NEK10: variants seen among roughly 807,000 people sequenced by gnomAD.
NEK10 encodes the protein serine/threonine-protein kinase Nek10.
In NEK10, 122 loss-of-function variants were observed where a neutral mutation model predicts 159.8. The ratio of observed to expected loss-of-function variants is 0.76; its 90% confidence interval spans 0.66 to 0.89. The LOEUF is 0.89. NEK10 is among the 40% of genes least tolerant of loss of function. The pLI is 0.00. For synonymous variants in NEK10, 466 were observed against 457.1 expected (o/e 1.02, Z -0.25); for missense variants, 1,342 against 1,323.1 (o/e 1.01, Z -0.22).
At chr3:27,258,142 G>A (rs1323724297) in intron 22 of NEK10, among the ~76,000 whole-genome samples, 3 of 151,880 alleles carry the variant, frequency 2.0e-5, no homozygotes, top group Non-Finnish European at 4.4e-5. Flanking sequence ...ATAATATACT[G>A]CTGATATATA....
chr3:27,333,475 G>A (rs2046571984), intron 5 of NEK10, among the ~76,000 whole-genome samples: 1 of 151,816 alleles, frequency 6.6e-6, no homozygotes, highest in Non-Finnish European at 1.5e-5. Context: ...AAACCCAGGA[G>A]GCAGAAGTCG....
At chr3:27,240,809 G>T (rs556269756) in intron 23 of NEK10, among the ~76,000 whole-genome samples, 3 of 151,978 alleles carry the variant, frequency 2.0e-5, no homozygotes, top group African/African-American at 4.8e-5. Context: ...GCACCACCAC[G>T]CCTGGCTAAT....
rs1468729406 is a variant in NEK10, at chr3:27,369,277, G to A, written c.-90C>T. On this transcript the variant is annotated 5_prime_UTR_variant, in exon 1 of 36. Transcript: ENST00000691995. The surrounding 1 kb of genome is among the most constrained non-coding windows in gnomAD (Gnocchi z 4.2). ...GGCCAATCTCCTTATCATTGTCCCT[G>A]CTGCTGTCACCTGCTGCTGCAGACC... The A allele has an allele frequency of 6.6e-6, 1 of 152,596 alleles. No individual in the cohort carries two copies. The highest frequency in any genetic ancestry group is 1.5e-5 in the Non-Finnish European group (1 of 68,442). 9.5% of individuals were successfully genotyped at this position (152,596 alleles called of 1,614,324 possible).
At chr3:27,156,915 T>C (rs1273192712) in intron 30 of NEK10, among the ~76,000 whole-genome samples, 1 of 108,960 alleles carries the variant, frequency 9.2e-6, no homozygotes, top group South Asian at 3.1e-4. Context: ...AATCAAGGAG[T>C]GCATAAAGAA....
chr3:27,290,466 A>C, intron 19 of NEK10, 151 bp downstream of exon 19: 1 of 564,808 alleles, frequency 1.8e-6, no homozygotes, highest in Non-Finnish European at 3.0e-6. Flanking sequence ...AAGCCTTAGG[A>C]AAAAAGCTGG....
In NEK10 at chr3:27,131,751, T is replaced by C. The variant is rs77239611; in HGVS notation, c.3081+129A>G. The C allele has an allele frequency of 1.7e-4, 74 of 439,582 alleles. No individual in the cohort carries two copies. The East Asian group carries it at 2.3e-3, about 14-fold the overall frequency. The allele number at this position is 439,582 out of a possible 1,614,324, so 27.2% of individuals were successfully genotyped here. A position where few individuals can be genotyped will look rare whatever the true frequency, so the allele number is the denominator to read the frequency against. On this transcript the variant is annotated intron_variant, in intron 32 of 35. Transcript: ENST00000691995. The stretch of plus-strand genomic sequence containing the variant: ...AAGCAAAGACATATCCTCAATTTAG[T>C]ATGTAAAGCAGCAATAAGAAACTTT...
At chr3:27,158,996 A>T (rs539847138) in intron 30 of NEK10, among the ~76,000 whole-genome samples, 1 of 152,244 alleles carries the variant, frequency 6.6e-6, no homozygotes, top group African/African-American at 2.4e-5. Context: ...GGTAATATCC[A>T]GTTGTTTGAT....
chr3:27,122,676 C>T (rs1941476058), intron 32 of NEK10, among the ~76,000 whole-genome samples: 1 of 151,994 alleles, frequency 6.6e-6, no homozygotes, highest in Admixed American at 6.6e-5. Context: ...TAACTGGCTG[C>T]CTGAAATCTC....
intron 30 of NEK10, among the ~76,000 whole-genome samples, chr3:27,145,413 T>C (rs1173656613): frequency 6.6e-6 from 1 of 152,160 alleles, no homozygotes; most frequent in East Asian, 1.9e-4. Flanking sequence ...TAAATTTGGC[T>C]AGTGTTTTAA....
intron 3 of NEK10, among the ~76,000 whole-genome samples, chr3:27,350,004 C>T (rs2047852284): frequency 6.6e-6 from 1 of 152,240 alleles, no homozygotes; most frequent in Admixed American, 6.5e-5. Flanking sequence ...GAAGTAGCCT[C>T]GCTCCTTAGA....
chr3:27,340,471 C>A (rs185141672), intron 5 of NEK10, among the ~76,000 whole-genome samples: 1 of 152,170 alleles, frequency 6.6e-6, no homozygotes, highest in East Asian at 1.9e-4. Flanking sequence ...ACATGTATAC[C>A]TATGTAACAA....
chr3:27,159,723 A>T (rs1283394020), intron 30 of NEK10, among the ~76,000 whole-genome samples: 1 of 152,072 alleles, frequency 6.6e-6, no homozygotes, highest in African/African-American at 2.4e-5. Context: ...TTTTTAATAC[A>T]AGTAATGTAA....
intron 25 of NEK10, among the ~76,000 whole-genome samples, chr3:27,193,600 ATTTTTTTTTT>A (rs141331589): frequency 2.7e-3 from 146 of 55,086 alleles, no homozygotes; most frequent in African/African-American, 0.011. Flanking sequence ...CATATGCTTG[ATTTTTTTTTT>A]TTTTTTTTTT....
intron 30 of NEK10, among the ~76,000 whole-genome samples, chr3:27,158,732 G>T (rs1224345261): frequency 6.6e-6 from 1 of 152,108 alleles, no homozygotes; most frequent in Non-Finnish European, 1.5e-5. Flanking sequence ...AATTAGGCCA[G>T]ATTTTTAGTT....
intron 22 of NEK10, among the ~76,000 whole-genome samples, chr3:27,281,124 G>A (rs2042130775): frequency 6.6e-6 from 1 of 151,698 alleles, no homozygotes; most frequent in Admixed American, 6.6e-5. Context: ...TCAATGGAAT[G>A]GAAAAGAAAG....
chr3:27,299,846 A>T (rs550854052), intron 13 of NEK10, among the ~76,000 whole-genome samples: 108 of 152,112 alleles, frequency 7.1e-4, no homozygotes, highest in African/African-American at 2.6e-3. Flanking sequence ...GTTTTGGCCA[A>T]TTTCTCCCAT....
At chr3:27,203,998 TA>T (rs1202838534) in intron 23 of NEK10, among the ~76,000 whole-genome samples, 56 of 149,658 alleles carry the variant, frequency 3.7e-4, no homozygotes, top group East Asian at 2.7e-3. Flanking sequence ...CTGCTCATGT[TA>T]AAAAAAAAAT....
intron 5 of NEK10, among the ~76,000 whole-genome samples, chr3:27,335,452 A>G (rs2046734368): frequency 6.6e-6 from 1 of 152,174 alleles, no homozygotes; most frequent in African/African-American, 2.4e-5. Context: ...CAGAGGTTCT[A>G]GGTAGAAAAT....
chr3:27,181,552 T>C (rs746162556), intron 26 of NEK10, among the ~76,000 whole-genome samples: 1 of 152,086 alleles, frequency 6.6e-6, no homozygotes, highest in Non-Finnish European at 1.5e-5. Context: ...CAAACCCACA[T>C]TGTTTAAAGG....
Sources: gnomAD v4.1 joint callset for allele counts (sites outside exome capture counted in the v4.1 genomes callset) on GRCh38, gnomAD v4.1.1 for gene constraint, Gnocchi (gnomAD v3.1) non-coding constraint, MANE v1.5 for transcripts, NCBI Gene and HGNC (gene_info 2026-07-23, HGNC 2026-07-21) for gene names.